The following PRRC2A variants were observed in gnomAD, a reference collection of about 807,000 sequenced individuals.
PRRC2A encodes protein PRRC2A.
A neutral mutation model predicts 224.6 loss-of-function variants in PRRC2A; 59 were observed. That is an observed-to-expected ratio of 0.26 (90% confidence interval 0.21 to 0.33). PRRC2A has a LOEUF of 0.33. PRRC2A is among the 10% of genes least tolerant of loss of function. The pLI is 1.00. For missense variants in PRRC2A, 3,095 were observed against 2,880.7 expected (o/e 1.07, Z -1.70); for synonymous variants, 1,194 against 1,109.5 (o/e 1.08, Z -1.51).
Position 31,631,575 on chromosome 6 carries a change from C to G in PRRC2A, c.2902C>G (p.Pro968Ala). The change falls in exon 16 of 31, where the codon CCC (proline) becomes GCC (alanine). Residue 968 changes from proline to alanine, a missense_variant. By Grantham distance (27) the Pro-to-Ala change is conservative. Coordinates refer to ENST00000376033, the MANE Select transcript of PRRC2A (RefSeq NM_004638.4). The surrounding 1 kb of genome is among the most constrained non-coding windows in gnomAD (Gnocchi z 4.5). ...AAAAGTAGAAGAGCTGCCTCCCAAG[C>G]CCCTCGAACAGGGGGATGAAACCCC... The part of the protein sequence containing the change: ...PTKVEELPPK[P>A]LEQGDETPKP... The G allele has an allele frequency of 6.3e-7, 1 of 1,580,556 alleles. No individual in the cohort carries two copies. Among genetic ancestry groups the G allele is most frequent in the South Asian group, 1.2e-5 (1 of 86,740 alleles).
At position 31,634,374 on chromosome 6, in the gene PRRC2A, A is replaced by T; in HGVS notation, c.4849+9A>T. The T allele has an allele frequency of 6.2e-7, 1 of 1,612,542 alleles. No individual in the cohort carries two copies. The highest frequency in any genetic ancestry group is 8.5e-7 in the Non-Finnish European group (1 of 1,179,802). On this transcript the variant is annotated intron_variant, in intron 19 of 30. Transcript: ENST00000376033. ...GAACCGTTTACATACTGGTGAGTAA[A>T]GCTGAGTGAAAGGACTATGGTAGAA... is the stretch of plus-strand genomic sequence containing the variant.
rs190270291 is a variant in PRRC2A at position 31,630,557 on chromosome 6, T to C, written c.2255-34T>C. The C allele has an allele frequency of 3.0e-5, 49 of 1,609,938 alleles. 1 individual carries two copies. The highest frequency in any genetic ancestry group is 3.3e-4 in the Middle Eastern group (2 of 6,052). Reference sequence around the variant, plus strand: ...TGGGCTGGAGGGCTTGTGACATGAATAGGATTATTTTTCTTTTTCTTTGGT... The same window carrying C: ...TGGGCTGGAGGGCTTGTGACATGAACAGGATTATTTTTCTTTTTCTTTGGT... On this transcript the variant is annotated intron_variant, in intron 14 of 30. Coordinates refer to ENST00000376033, the MANE Select transcript of PRRC2A (RefSeq NM_004638.4).
intron 2 of PRRC2A, among the ~76,000 whole-genome samples, chr6:31,623,413 A>G (rs1775539015): frequency 6.6e-6 from 1 of 151,846 alleles, no homozygotes; most frequent in Non-Finnish European, 1.5e-5. Context: ...GATTACAGGC[A>G]TGCGCCACCA....
At chr6:31,629,868 A>G in intron 14 of PRRC2A, 23 bp downstream of exon 14, 1 of 1,611,536 alleles carries the variant, frequency 6.2e-7, no homozygotes, top group Admixed American at 1.7e-5. Context: ...GGGAGGAGTG[A>G]GAAACAGGAA....
At position 31,630,736 on chromosome 6, in the gene PRRC2A, C is replaced by G. The variant is rs377375339; in HGVS notation, c.2400C>G (p.Pro800=). ...TAGGAGATGTCTTCACCGCCACACC[C>G]GCTGAACCCCGCCCACTTACCTCAC... ...AWVGDVFTAT[P]AEPRPLTSPL... is the part of the protein sequence containing the mutation. The change falls in exon 15 of 31, where the codon CCC becomes CCG. Residue 800 remains proline, a synonymous_variant. Transcript: ENST00000376033. 6 of 1,614,136 alleles carry G rather than the reference C, an allele frequency of 3.7e-6. No individual in the cohort carries two copies. Among genetic ancestry groups the G allele is most frequent in the East Asian group, 2.2e-5 (1 of 44,880 alleles).
Position 31,625,722 on chromosome 6 carries a change from T to G in PRRC2A, c.760-70T>G. 6.4e-7 allele frequency: 1 copy of G among 1,571,452 alleles called. No individual in the cohort carries two copies. On this transcript the variant is annotated intron_variant, in intron 7 of 30. Transcript: ENST00000376033. The surrounding 1 kb of genome is among the most constrained non-coding windows in gnomAD (Gnocchi z 4.1). ...GAAGGGAGGGTGGGAGGATGATTGA[T>G]AGCAGGCTTAAGGAGCTAGAAGGGT...
chr6:31,629,466 C>G lies in PRRC2A; in HGVS notation c.1957-82C>G, dbSNP rs924213312. On this transcript the variant is annotated intron_variant, in intron 13 of 30. Transcript: ENST00000376033. ...GTCTCCATTGTCACGCCAATTTCCCCTAGTCCAAGTTTTTTCTTTGCTGAT... is the reference window on the plus strand; with the variant it reads ...GTCTCCATTGTCACGCCAATTTCCCGTAGTCCAAGTTTTTTCTTTGCTGAT... 2.1e-6 allele frequency: 3 copies of G among 1,425,076 alleles called. No homozygotes were observed. In the African/African-American group the frequency reaches 4.3e-5, roughly 20 times the overall value. 88.3% of individuals were successfully genotyped at this position (1,425,076 alleles called of 1,614,324 possible).
Position 31,635,479 on chromosome 6 carries a change from A to C in PRRC2A, c.5373+14A>C. ...TCAGTCACTGAGGTAAGTGGGAGTAAGAGTTTGGTGGAAAGGCCCAAGATT... is the reference window on the plus strand; with the variant it reads ...TCAGTCACTGAGGTAAGTGGGAGTACGAGTTTGGTGGAAAGGCCCAAGATT... On this transcript the variant is annotated intron_variant, in intron 23 of 30. Coordinates refer to ENST00000376033, the MANE Select transcript of PRRC2A (RefSeq NM_004638.4). 1 of 1,613,808 alleles carries C rather than the reference A, an allele frequency of 6.2e-7. No individual in the cohort carries two copies. The highest frequency in any genetic ancestry group is 8.5e-7 in the Non-Finnish European group (1 of 1,179,828).
In PRRC2A at chr6:31,629,313, T is replaced by C. The variant is rs1776270641; in HGVS notation, c.1935T>C (p.Pro645=). ...GYPKYQKSLP[P]RFQRQQQEQL... ...CCAAATATCAGAAGTCGTTGCCTCC[T>C]CGTTTCCAGCGGCAGCAGCAGGTGA... is the stretch of plus-strand genomic sequence containing the variant. The change falls in exon 13 of 31, where the codon CCT becomes CCC. Residue 645 remains proline, a synonymous_variant. Coordinates refer to ENST00000376033, the MANE Select transcript of PRRC2A (RefSeq NM_004638.4). The C allele has an allele frequency of 6.4e-7, 1 of 1,570,480 alleles. No individual in the cohort carries two copies.
rs1468312969 is a variant in PRRC2A, at chr6:31,627,240, A to T, written c.1290+42A>T. 1.4e-6 allele frequency: 2 copies of T among 1,400,770 alleles called. No homozygotes were observed. Among genetic ancestry groups the T allele is most frequent in the East Asian group, 4.7e-5 (2 of 42,780 alleles). The allele number at this position is 1,400,770 out of a possible 1,614,324, so 86.8% of individuals were successfully genotyped here. A position where few individuals can be genotyped will look rare whatever the true frequency, so the allele number is the denominator to read the frequency against. Reference sequence around the variant, plus strand: ...AGGGATTGAGAGGGTCAGCTGTGGGAAATTGGTGTCAGCTGAGTAATTGAA... The same window carrying T: ...AGGGATTGAGAGGGTCAGCTGTGGGTAATTGGTGTCAGCTGAGTAATTGAA... On this transcript the variant is annotated intron_variant, in intron 11 of 30. Transcript: ENST00000376033. This position sits in a 1 kb window ranked among gnomAD's most constrained non-coding sequence, Gnocchi z 5.6.
At chr6:31,633,187 C>T (rs932683855) in intron 16 of PRRC2A, among the ~76,000 whole-genome samples, 192 bp from the exon 17 acceptor site, 1 of 152,150 alleles carries the variant, frequency 6.6e-6, no homozygotes, top group Non-Finnish European at 1.5e-5. Context: ...AGAACACCCA[C>T]CTATGTATTC....
Position 31,631,069 on chromosome 6 carries a change from G to A in PRRC2A, c.2466-70G>A, listed in dbSNP as rs190029576. 1.8e-4 allele frequency: 255 copies of A among 1,379,904 alleles called. No individual in the cohort carries two copies. The African/African-American group carries it at 3.0e-3, about 16-fold the overall frequency. The allele number at this position is 1,379,904 out of a possible 1,614,324, so 85.5% of individuals were successfully genotyped here. A position where few individuals can be genotyped will look rare whatever the true frequency, so the allele number is the denominator to read the frequency against. On this transcript the variant is annotated intron_variant, in intron 15 of 30. Coordinates refer to ENST00000376033, the MANE Select transcript of PRRC2A (RefSeq NM_004638.4). This position sits in a 1 kb window ranked among gnomAD's most constrained non-coding sequence, Gnocchi z 4.5. ...AAAAGAGAGTCTGCATCATAATAAA[G>A]TGTTCTTTTCCCACCTAGTTCTGGT...
In PRRC2A at chr6:31,627,274, G is replaced by T; in HGVS notation, c.1290+76G>T. The stretch of plus-strand genomic sequence containing the variant: ...TCAGCTGAGTAATTGAAGCGGTTGT[G>T]ATATAGAGGAAGGGGGGTGCTAAAA... On this transcript the variant is annotated intron_variant, in intron 11 of 30. Coordinates refer to ENST00000376033, the MANE Select transcript of PRRC2A (RefSeq NM_004638.4). The surrounding 1 kb of genome is among the most constrained non-coding windows in gnomAD (Gnocchi z 5.6). The T allele has an allele frequency of 9.2e-7, 1 of 1,092,112 alleles. No homozygotes were observed. Among genetic ancestry groups the T allele is most frequent in the Non-Finnish European group, 1.3e-6 (1 of 750,640 alleles). The allele number at this position is 1,092,112 out of a possible 1,614,324, so 67.7% of individuals were successfully genotyped here.
Position 31,633,106 on chromosome 6 carries a change from T to C in PRRC2A, c.4319+114T>C, listed in dbSNP as rs1776864510. 8.2e-6 allele frequency: 11 copies of C among 1,339,562 alleles called. No homozygotes were observed. The South Asian group carries it at 1.5e-4, about 19-fold the overall frequency. The allele number at this position is 1,339,562 out of a possible 1,614,324, so 83.0% of individuals were successfully genotyped here. ...GATTGTGGCCTGAGGGGCCATGGGC[T>C]CTAGAATGTCAGTAGGATTTCCATG... On this transcript the variant is annotated intron_variant, in intron 16 of 30. Transcript: ENST00000376033.
chr6:31,636,388 C>T lies in PRRC2A; in HGVS notation c.5804C>T (p.Pro1935Leu). 1 of 1,612,926 alleles carries T rather than the reference C, an allele frequency of 6.2e-7. No homozygotes were observed. Among genetic ancestry groups the T allele is most frequent in the Non-Finnish European group, 8.5e-7 (1 of 1,179,968 alleles). Residue 1935 changes from proline to leucine, a missense_variant, in exon 26 of 31, where the codon CCC becomes CTC. Coordinates refer to ENST00000376033, the MANE Select transcript of PRRC2A (RefSeq NM_004638.4). The surrounding 1 kb of genome is among the most constrained non-coding windows in gnomAD (Gnocchi z 4.3). The part of the protein sequence containing the change: ...PSFLYSPAFC[P>L]SPLPDTSLLQ... ...TTCCTCTACTCTCCGGCTTTCTGCCCCAGTCCTTTGCCTGACACATCGTTG... is the reference window on the plus strand; with the variant it reads ...TTCCTCTACTCTCCGGCTTTCTGCCTCAGTCCTTTGCCTGACACATCGTTG...
Position 31,627,857 on chromosome 6 carries a change from C to G in PRRC2A, c.1383C>G (p.Ser461=). The change falls in exon 12 of 31, where the codon TCC becomes TCG. Residue 461 remains serine (S), a synonymous_variant. Transcript: ENST00000376033. The surrounding 1 kb of genome is among the most constrained non-coding windows in gnomAD (Gnocchi z 5.6). ...QRRKQSSSEI[S]LAVERARRRR... ...GAAAGCAGTCGTCATCTGAGATTTC[C>G]CTGGCAGTGGAGCGGGCCCGGCGAC... The G allele has an allele frequency of 6.2e-7, 1 of 1,613,100 alleles. No individual in the cohort carries two copies. Among genetic ancestry groups the G allele is most frequent in the Non-Finnish European group, 8.5e-7 (1 of 1,180,040 alleles).
Position 31,632,511 on chromosome 6 carries a change from C to T in PRRC2A, c.3838C>T (p.Pro1280Ser), listed in dbSNP as rs775329289. The T allele has an allele frequency of 3.1e-6, 5 of 1,608,516 alleles. No individual in the cohort carries two copies. The highest frequency in any genetic ancestry group is 4.2e-6 in the Non-Finnish European group (5 of 1,177,164). Residue 1280 changes from proline to serine, a missense_variant, in exon 16 of 31, where the codon CCA becomes TCA. By Grantham distance (74) the Pro-to-Ser change is moderately conservative. Coordinates refer to ENST00000376033, the MANE Select transcript of PRRC2A (RefSeq NM_004638.4). ...GSEGKPSLTL[P>S]ASAPGPEEAL... ...TGAGGGCAAGCCCTCCCTAACCCTT[C>T]CAGCCTCCGCTCCTGGACCTGAGGA... is the stretch of plus-strand genomic sequence containing the variant.
At position 31,636,932 on chromosome 6, in the gene PRRC2A, T is replaced by C. The variant is rs564620171; in HGVS notation, c.6134T>C (p.Leu2045Ser). 6.2e-7 allele frequency: 1 copy of C among 1,612,738 alleles called. No homozygotes were observed. Among genetic ancestry groups the C allele is most frequent in the South Asian group, 1.1e-5 (1 of 91,064 alleles). ...CCTGCCAGGCCCTTCCCCGCTAGCT[T>C]GGGGCGAGCAGAGGTAAGGTACAGG... ...PSPARPFPAS[L>S]GRAELHPVEL... The change falls in exon 28 of 31, where the codon TTG becomes TCG. Residue 2045 changes from leucine (L) to serine (S), a missense_variant. By Grantham distance (145) the Leu-to-Ser change is moderately radical (BLOSUM62 -2). Around this residue, in one of 8 missense-constraint regions of PRRC2A, gnomAD observed 662 missense variants for 609.5 expected, o/e 1.09. Transcript: ENST00000376033. This position sits in a 1 kb window ranked among gnomAD's most constrained non-coding sequence, Gnocchi z 4.3.
At position 31,635,986 on chromosome 6, in the gene PRRC2A, A is replaced by T; in HGVS notation, c.5561A>T (p.Asp1854Val). 1 of 1,612,526 alleles carries T rather than the reference A, an allele frequency of 6.2e-7. No homozygotes were observed. The highest frequency in any genetic ancestry group is 1.3e-5 in the African/African-American group (1 of 74,784). Residue 1854 changes from aspartate (D) to valine (V), a missense_variant, in exon 25 of 31, where the codon GAC becomes GTC. Physicochemically the swap from Asp to Val is radical, Grantham distance 152. This residue lies in a region of PRRC2A where 662 missense variants were observed against 609.5 expected (regional missense o/e 1.09). Transcript: ENST00000376033. ...SSSQISGGAM[D>V]SQLHPNSGGF... is the part of the protein sequence containing the mutation. ...CTGCAGATCTCTGGGGGAGCCATGG[A>T]CTCTCAATTACATCCAAACAGTGGA...
Sources: allele counts gnomAD v4.1 joint callset (sites outside exome capture counted in the v4.1 genomes callset), GRCh38; gene constraint gnomAD v4.1.1; regional missense constraint gnomAD v4.1.1; non-coding constraint Gnocchi (gnomAD v3.1); transcripts MANE v1.5; gene names NCBI Gene and HGNC (gene_info 2026-07-23, HGNC 2026-07-21).